Variants in HTR2A observed in about 807,000 individuals in gnomAD.
HTR2A encodes the protein 5-HT2 receptor.
Under a neutral mutation model 31.0 loss-of-function variants are expected in HTR2A, and 14 were observed. The observed-to-expected ratio is 0.45, with a 90% confidence interval of 0.30 to 0.71. The LOEUF is 0.71. HTR2A is among the 30% of genes least tolerant of loss of function. The probability of loss-of-function intolerance (pLI) is 0.09; values close to 1 mark genes in which losing one functional copy is unlikely to be tolerated. For missense variants in HTR2A, 442 were observed against 573.3 expected, an observed-to-expected ratio of 0.77 and a Z score of 2.34; for synonymous variants, 209 against 225.2, an observed-to-expected ratio of 0.93 and a Z score of 0.64.
At chr13:46,860,891 A>G (rs1422679702) in intron 3 of HTR2A, among the ~76,000 whole-genome samples, 2 of 152,184 alleles carry the variant, frequency 1.3e-5, no homozygotes, top group Non-Finnish European at 2.9e-5. Flanking sequence ...AGGGAAAATG[A>G]GAGGGAGGGA....
In HTR2A at chr13:46,834,746, T is replaced by G. The variant is rs1374418807; in HGVS notation, c.*91A>C. 5.9e-6 allele frequency: 6 copies of G among 1,013,062 alleles called. No individual in the cohort carries two copies. The highest frequency in any genetic ancestry group is 8.7e-6 in the Non-Finnish European group (6 of 688,770). The allele number at this position is 1,013,062 out of a possible 1,614,324, so 62.8% of individuals were successfully genotyped here. ...ATGATCGTTGGTTCCACTAGACTTG[T>G]CTAATTTTTTCCAATCTCATATTTT... On this transcript the variant is annotated 3_prime_UTR_variant, in exon 4 of 4. Transcript: ENST00000542664.
At chr13:46,864,661 T>C (rs1196870256) in intron 3 of HTR2A, among the ~76,000 whole-genome samples, 1 of 152,216 alleles carries the variant, frequency 6.6e-6, no homozygotes, top group African/African-American at 2.4e-5. Flanking sequence ...TGTTTTTCCC[T>C]TTATAAGACA....
intron 3 of HTR2A, among the ~76,000 whole-genome samples, chr13:46,883,601 T>A (rs1328010681): frequency 6.6e-6 from 1 of 152,208 alleles, no homozygotes; most frequent in East Asian, 1.9e-4. Flanking sequence ...CTATTTTCTC[T>A]TCTCATGGCA....
chr13:46,893,407 C>A (rs934150037), intron 2 of HTR2A, among the ~76,000 whole-genome samples: 4 of 152,172 alleles, frequency 2.6e-5, no homozygotes, highest in Non-Finnish European at 5.9e-5. Context: ...CCGGGTGATG[C>A]TGATGCTGCT....
In HTR2A at chr13:46,892,573, G is replaced by T; in HGVS notation, c.430C>A (p.Pro144Thr). ...TILYGYRWPLPSKLCAVWIYL... is the reference protein window; with the variant it reads ...TILYGYRWPLTSKLCAVWIYL... ...ATCCAGACTGCACAAAGCTTGCTCG[G>T]CAGAGGCCACCGGTACCCTATGAGG... The change falls in exon 3 of 4, where the codon CCG (proline) becomes ACG (threonine). Residue 144 changes from proline (P) to threonine (T), a missense_variant. This residue lies in a region of HTR2A where 86 missense variants were observed against 179.1 expected (regional missense o/e 0.48). Transcript: ENST00000542664. The T allele has an allele frequency of 1.9e-6, 3 of 1,614,150 alleles. No individual in the cohort carries two copies. Among genetic ancestry groups the T allele is most frequent in the Non-Finnish European group, 2.5e-6 (3 of 1,180,020 alleles).
chr13:46,835,631 T>C lies in HTR2A; in HGVS notation c.622A>G (p.Met208Val). 6.2e-7 allele frequency: 1 copy of C among 1,607,148 alleles called. No homozygotes were observed. The highest frequency in any genetic ancestry group is 8.5e-7 in the Non-Finnish European group (1 of 1,176,020). Reference sequence around the variant, plus strand: ...TGTAGCCCAAAGACTGGTATTGGCATGGATATACCTGGAGTTGAACAGAAA... The same window carrying C: ...TGTAGCCCAAAGACTGGTATTGGCACGGATATACCTGGAGTTGAACAGAAA... ...AVWTISVGIS[M>V]PIPVFGLQDD... The change falls in exon 4 of 4, where the codon ATG becomes GTG. Residue 208 changes from methionine to valine, a missense_variant. This residue lies in a region of HTR2A where 86 missense variants were observed against 179.1 expected (regional missense o/e 0.48). Transcript: ENST00000542664.
chr13:46,896,235 C>G lies in HTR2A; in HGVS notation c.-328-1G>C. On this transcript the variant is annotated splice_acceptor_variant, in intron 1 of 3. Transcript: ENST00000542664. LOFTEE classifies it low-confidence loss of function (5UTR_SPLICE). ...TTGAGCGCTCGGGAAGATAAATGTC[C>G]TGGACAAAGAAGAAAAGTTTTATAA... is the stretch of plus-strand genomic sequence containing the variant. The G allele has an allele frequency of 9.0e-7, 1 of 1,112,004 alleles. No homozygotes were observed. The highest frequency in any genetic ancestry group is 1.1e-6 in the Non-Finnish European group (1 of 912,694). 68.9% of individuals were successfully genotyped at this position (1,112,004 alleles called of 1,614,324 possible).
chr13:46,896,399 A>C (rs1018935724), intron 1 of HTR2A, among the ~76,000 whole-genome samples, 165 bp from the exon 2 acceptor site: 2 of 152,222 alleles, frequency 1.3e-5, no homozygotes, highest in African/African-American at 4.8e-5. Context: ...GTCAATTAAA[A>C]ATACATCCAG....
At chr13:46,896,568 T>C in intron 1 of HTR2A, 106 bp downstream of exon 1, 1 of 903,232 alleles carries the variant, frequency 1.1e-6, no homozygotes, top group Non-Finnish European at 1.6e-6. Context: ...GCAGACAACT[T>C]TCCTCCCTGG....
chr13:46,852,789 CACTT>C (rs1950698093), intron 3 of HTR2A, among the ~76,000 whole-genome samples: 1 of 152,132 alleles, frequency 6.6e-6, no homozygotes, highest in African/African-American at 2.4e-5. Context: ...ATTTTAAAAT[CACTT>C]AGTCATGCTC....
chr13:46,869,339 G>A lies in HTR2A; in HGVS notation c.613+23051C>T, dbSNP rs1290310198. On this transcript the variant is annotated intron_variant, in intron 3 of 3. Coordinates refer to ENST00000542664, the MANE Select transcript of HTR2A (RefSeq NM_000621.5). ...CCAATAAACATATGAAATGATCAAC[G>A]TCAGTAGTCATTAGGGAAATGCAAA... Among the ~76,000 whole-genome samples the A allele has an allele frequency of 7.2e-5, 11 of 152,110 alleles. 1 individual carries two copies. The highest frequency in any genetic ancestry group is 2.0e-4 in the Admixed American group (3 of 15,268).
chr13:46,892,216 A>G (rs1951058909), intron 3 of HTR2A, among the ~76,000 whole-genome samples, 174 bp downstream of exon 3: 1 of 152,226 alleles, frequency 6.6e-6, no homozygotes, highest in Non-Finnish European at 1.5e-5. Context: ...AGTGACATAA[A>G]CAGATTTTTC....
chr13:46,882,253 A>G (rs1358753683), intron 3 of HTR2A, among the ~76,000 whole-genome samples: 1 of 152,114 alleles, frequency 6.6e-6, no homozygotes, highest in African/African-American at 2.4e-5. Flanking sequence ...AAAGTACTAA[A>G]TCAGAGACAA....
intron 3 of HTR2A, among the ~76,000 whole-genome samples, chr13:46,846,923 A>C (rs748135588): frequency 6.6e-6 from 1 of 152,216 alleles, no homozygotes; most frequent in Non-Finnish European, 1.5e-5. Context: ...CAGGGAATTC[A>C]GTCATGCAAG....
chr13:46,853,296 A>C (rs1950703092), intron 3 of HTR2A, among the ~76,000 whole-genome samples: 1 of 152,102 alleles, frequency 6.6e-6, no homozygotes, highest in South Asian at 2.1e-4. Flanking sequence ...CAGATCCTCC[A>C]TCTGTCCACA....
At position 46,892,398 on chromosome 13, in the gene HTR2A, A is replaced by G; in HGVS notation, c.605T>C (p.Ile202Thr). ...AFLKIIAVWT[I>T]SVGISMPIPV... ...AATATGTTGCCACTTACCTACTGAT[A>G]TGGTCCAAACAGCAATGATTTTCAG... Residue 202 changes from isoleucine (I) to threonine (T), a missense_variant, in exon 3 of 4, where the codon ATA becomes ACA. Physicochemically the swap from Ile to Thr is moderately conservative, Grantham distance 89. Transcript: ENST00000542664. 6.2e-7 allele frequency: 1 copy of G among 1,614,036 alleles called. No individual in the cohort carries two copies.
chr13:46,861,758 G>C (rs544623888), intron 3 of HTR2A, among the ~76,000 whole-genome samples: 1 of 152,180 alleles, frequency 6.6e-6, no homozygotes, highest in East Asian at 1.9e-4. Flanking sequence ...GAGGGAAAAA[G>C]GCACTCCTAA....
intron 3 of HTR2A, among the ~76,000 whole-genome samples, chr13:46,858,694 G>T (rs1950757650): frequency 6.6e-6 from 1 of 152,172 alleles, no homozygotes; most frequent in African/African-American, 2.4e-5. Context: ...AACAGAGAGG[G>T]TGAGGAAGAA....
At chr13:46,897,818 G>A (rs1269452780), upstream of HTR2A, among the ~76,000 whole-genome samples, 1 of 152,234 alleles carries the variant, frequency 6.6e-6, no homozygotes, top group South Asian at 2.1e-4. Context: ...CTTCATAGCT[G>A]ATTATTTCTC....
Sources: gnomAD v4.1 joint callset for allele counts (sites outside exome capture counted in the v4.1 genomes callset) on GRCh38, gnomAD v4.1.1 for gene constraint, gnomAD v4.1.1 regional missense constraint, MANE v1.5 for transcripts, NCBI Gene and HGNC (gene_info 2026-07-23, HGNC 2026-07-21) for gene names.